NIPAL3: variants seen among roughly 807,000 people sequenced by gnomAD.
NIPAL3 encodes NIPA like domain containing 3, also known as NIPA-like protein 3.
In NIPAL3, 41 loss-of-function variants were observed where a neutral mutation model predicts 47.2. The ratio of observed to expected loss-of-function variants is 0.87; its 90% CI spans 0.68 to 1.13. NIPAL3 has a LOEUF of 1.13. NIPAL3 is among the 50% of genes most tolerant of loss of function. The pLI, the probability that NIPAL3 is intolerant of heterozygous loss-of-function variation, is 0.00. For missense variants in NIPAL3, 449 were observed against 530.1 expected, an observed-to-expected ratio of 0.85 and a Z score of 1.50; for synonymous variants, 194 against 209.6, an observed-to-expected ratio of 0.93 and a Z score of 0.64.
intron 8 of NIPAL3, 127 bp downstream of exon 8, chr1:24,456,400 G>GGA (rs1171867041): frequency 4.2e-5 from 55 of 1,304,606 alleles, no homozygotes; most frequent in Middle Eastern, 4.7e-4. Flanking sequence ...CATCCAGCAT[G>GGA]GAGAGAGGAG....
chr1:24,461,914 T>C (rs772372344), intron 10 of NIPAL3, among the ~76,000 whole-genome samples: 1 of 151,912 alleles, frequency 6.6e-6, no homozygotes, highest in Non-Finnish European at 1.5e-5. Flanking sequence ...ATTTCACCTC[T>C]AGATTCTTTA....
chr1:24,434,052 A>T (rs1235039678), intron 2 of NIPAL3, among the ~76,000 whole-genome samples: 2 of 152,180 alleles, frequency 1.3e-5, no homozygotes, highest in East Asian at 3.8e-4. Context: ...AAAAAAAGAG[A>T]CTACAGAAAA....
intron 4 of NIPAL3, among the ~76,000 whole-genome samples, chr1:24,443,877 T>C (rs1040249775): frequency 1.3e-5 from 2 of 152,220 alleles, no homozygotes; most frequent in African/African-American, 2.4e-5. Flanking sequence ...ATCATACCTG[T>C]AGCCTTATCA....
In NIPAL3 at chr1:24,469,056, T is replaced by C; in HGVS notation, c.1092T>C (p.Ala364=). The C allele has an allele frequency of 6.2e-7, 1 of 1,614,130 alleles. No homozygotes were observed. The highest frequency in any genetic ancestry group is 8.5e-7 in the Non-Finnish European group (1 of 1,180,022). Residue 364 remains alanine (A), a synonymous_variant, in exon 12 of 12, where the codon GCT becomes GCC. Coordinates refer to ENST00000374399, the MANE Select transcript of NIPAL3 (RefSeq NM_020448.5). ...TTAAAGCTTCTTTTTCCTATGGGGCTCTGGAAAACAATGACAACATTTCTG... is the reference window on the plus strand; with the variant it reads ...TTAAAGCTTCTTTTTCCTATGGGGCCCTGGAAAACAATGACAACATTTCTG... ...PELKASFSYG[A]LENNDNISEI...
chr1:24,439,390 A>G (rs193012679), intron 2 of NIPAL3, among the ~76,000 whole-genome samples: 11 of 152,328 alleles, frequency 7.2e-5, no homozygotes, highest in Admixed American at 5.9e-4. Context: ...TGGTAATCTT[A>G]TTTTTATAAA....
intron 2 of NIPAL3, among the ~76,000 whole-genome samples, chr1:24,438,896 A>T (rs576956189): frequency 6.6e-6 from 1 of 152,306 alleles, no homozygotes; most frequent in South Asian, 2.1e-4. Flanking sequence ...TTTAAATGCT[A>T]GTACACTTTG....
chr1:24,433,444 T>TA (rs916412665), intron 2 of NIPAL3, among the ~76,000 whole-genome samples: 28 of 152,284 alleles, frequency 1.8e-4, no homozygotes, highest in Non-Finnish European at 2.8e-4. Flanking sequence ...GCCAGGCATG[T>TA]AAAAAAACCT....
At chr1:24,452,892 G>A (rs1985102) in intron 6 of NIPAL3, among the ~76,000 whole-genome samples, 45,840 of 138,634 alleles carry the variant, frequency 0.33, 7,451 homozygotes, top group Non-Finnish European at 0.36. Context: ...AGTAGAGACC[G>A]GGTTTCACCA....
intron 9 of NIPAL3, among the ~76,000 whole-genome samples, chr1:24,459,538 A>C (rs761779806): frequency 6.6e-6 from 1 of 152,228 alleles, no homozygotes; most frequent in Non-Finnish European, 1.5e-5. Context: ...TAAATGGCAT[A>C]ATAGGTGACT....
At position 24,453,514 on chromosome 1, in the gene NIPAL3, C is replaced by T. The variant is rs774597975; in HGVS notation, c.637+10C>T. 6.2e-7 allele frequency: 1 copy of T among 1,606,736 alleles called. No individual in the cohort carries two copies. Among genetic ancestry groups the T allele is most frequent in the South Asian group, 1.1e-5 (1 of 90,708 alleles). ...TTGGTGGCGTTACTTGGTAAGTTGG[C>T]ATCTGGATGATTGAGTTTTGCCACC... On this transcript the variant is annotated intron_variant, in intron 7 of 11. Transcript: ENST00000374399.
chr1:24,418,557 T>C (rs1570156102), intron 1 of NIPAL3, among the ~76,000 whole-genome samples: 1 of 152,290 alleles, frequency 6.6e-6, no homozygotes, highest in East Asian at 1.9e-4. Context: ...CTTGAGGCCA[T>C]GTTTGTGCCA....
At position 24,453,466 on chromosome 1, in the gene NIPAL3, A is replaced by G; in HGVS notation, c.599A>G (p.Asn200Ser). The change falls in exon 7 of 12, where the codon AAC (asparagine) becomes AGC (serine). Residue 200 changes from asparagine to serine, a missense_variant. Transcript: ENST00000374399. The stretch of plus-strand genomic sequence containing the variant: ...TACTTCTACAAGGAGAAGAACGCCA[A>G]CAACATTGTCGTGATTCTTCTCTTG... ...LLYFYKEKNA[N>S]NIVVILLLVA... 1.2e-6 allele frequency: 2 copies of G among 1,613,554 alleles called. No individual in the cohort carries two copies. The highest frequency in any genetic ancestry group is 1.7e-6 in the Non-Finnish European group (2 of 1,179,814).
chr1:24,467,661 G>C (rs1258710992), intron 11 of NIPAL3, among the ~76,000 whole-genome samples: 1 of 152,198 alleles, frequency 6.6e-6, no homozygotes, highest in Admixed American at 6.5e-5. Flanking sequence ...ATTTGGAACA[G>C]TATCTGCCAC....
At chr1:24,468,498 A>G (rs1233293358) in intron 11 of NIPAL3, among the ~76,000 whole-genome samples, 1 of 152,186 alleles carries the variant, frequency 6.6e-6, no homozygotes, top group Non-Finnish European at 1.5e-5. Flanking sequence ...CTATAAGTGG[A>G]CCAGGGAATT....
chr1:24,453,159 G>C (rs980638056), intron 6 of NIPAL3, among the ~76,000 whole-genome samples: 1 of 152,098 alleles, frequency 6.6e-6, no homozygotes, highest in Admixed American at 6.5e-5. Flanking sequence ...AGAGCAGCAC[G>C]TCACCCTCAA....
At chr1:24,446,038 AG>A (rs912068629) in intron 5 of NIPAL3, among the ~76,000 whole-genome samples, 10 of 146,844 alleles carry the variant, frequency 6.8e-5, no homozygotes, top group African/African-American at 2.5e-4. Context: ...GCAGTAGGAT[AG>A]ATGGGGCTTC....
chr1:24,433,708 T>C lies in NIPAL3; in HGVS notation c.94-6464T>C, dbSNP rs189544587. ...GAGAGACATGGAGGCTCCAGTTAGA[T>C]ATAATTTCCAAATGAAAGGAAGGCA... On this transcript the variant is annotated intron_variant, in intron 2 of 11. Transcript: ENST00000374399. Among the ~76,000 whole-genome samples, 36 of 152,324 alleles carry C rather than the reference T, an allele frequency of 2.4e-4. No homozygotes were observed. In the East Asian group the frequency reaches 6.7e-3, roughly 29 times the overall value.
chr1:24,426,779 G>A (rs752025158), intron 2 of NIPAL3, among the ~76,000 whole-genome samples: 2 of 152,172 alleles, frequency 1.3e-5, no homozygotes, highest in Non-Finnish European at 2.9e-5. Flanking sequence ...TCAATGGACA[G>A]TGTCAATTCT....
intron 2 of NIPAL3, among the ~76,000 whole-genome samples, chr1:24,425,268 C>A (rs1331233428): frequency 6.6e-6 from 1 of 152,144 alleles, no homozygotes; most frequent in Non-Finnish European, 1.5e-5. Context: ...TTGAATGCAG[C>A]CCAACACAAA....
Sources: allele counts gnomAD v4.1 joint callset (sites outside exome capture counted in the v4.1 genomes callset), GRCh38; gene constraint gnomAD v4.1.1; transcripts MANE v1.5; gene names NCBI Gene and HGNC (gene_info 2026-07-23, HGNC 2026-07-21).